PITPNM2: variants seen among roughly 807,000 people sequenced by gnomAD.
The protein encoded by PITPNM2 is membrane-associated phosphatidylinositol transfer protein 2.
Under a neutral mutation model 132.2 loss-of-function variants are expected in PITPNM2, and 35 were observed. That is an observed-to-expected ratio of 0.26 (90% CI 0.20 to 0.35). The LOEUF (loss-of-function observed/expected upper bound fraction) is 0.35. Ranked by LOEUF, PITPNM2 falls within the 10% of genes least tolerant of loss-of-function variation. The pLI is 1.00. For missense variants in PITPNM2, 1,332 were observed against 1,912.0 expected (o/e 0.70, Z 5.66); for synonymous variants, 738 against 799.2 (o/e 0.92, Z 1.29).
chr12:123,061,509 C>G (rs1397991808), intron 2 of PITPNM2, among the ~76,000 whole-genome samples: 3 of 152,260 alleles, frequency 2.0e-5, no homozygotes, highest in Non-Finnish European at 2.9e-5. Flanking sequence ...TCTCACTGCA[C>G]TATGGCACGT....
chr12:123,079,853 T>C (rs1447446250), intron 2 of PITPNM2, among the ~76,000 whole-genome samples: 1 of 152,210 alleles, frequency 6.6e-6, no homozygotes, highest in African/African-American at 2.4e-5. Flanking sequence ...CACAATGTTG[T>C]GCAACCACCA....
chr12:123,069,984 C>T (rs2041574911), intron 2 of PITPNM2, among the ~76,000 whole-genome samples: 1 of 152,080 alleles, frequency 6.6e-6, no homozygotes, highest in Non-Finnish European at 1.5e-5. Context: ...GGCTCTGCAC[C>T]CGGTGCTCAT....
At chr12:123,104,364 C>T (rs1033720784) in intron 2 of PITPNM2, among the ~76,000 whole-genome samples, 5 of 152,234 alleles carry the variant, frequency 3.3e-5, no homozygotes, top group South Asian at 2.1e-4. Flanking sequence ...TACGCCCAGA[C>T]GGCCTGAAGT....
chr12:123,131,397 C>T (rs919578428), intron 1 of PITPNM2, among the ~76,000 whole-genome samples: 2 of 152,226 alleles, frequency 1.3e-5, no homozygotes, highest in Non-Finnish European at 2.9e-5. Flanking sequence ...GGAACAGATA[C>T]TCGTTGCGGT....
At chr12:123,050,438 C>G (rs2040820539) in intron 2 of PITPNM2, among the ~76,000 whole-genome samples, 1 of 152,152 alleles carries the variant, frequency 6.6e-6, no homozygotes. Context: ...TGAGTCAGGG[C>G]AGAATGGTAC....
At chr12:123,134,921 G>T (rs767646616) in intron 1 of PITPNM2, among the ~76,000 whole-genome samples, 1 of 152,168 alleles carries the variant, frequency 6.6e-6, no homozygotes, top group African/African-American at 2.4e-5. Context: ...CTGATATTCA[G>T]TAAGTTCCCC....
intron 1 of PITPNM2, among the ~76,000 whole-genome samples, chr12:123,132,309 G>A (rs1370739357): frequency 6.6e-6 from 1 of 152,152 alleles, no homozygotes; most frequent in African/African-American, 2.4e-5. Context: ...TCCCCCAAGA[G>A]CATGGCGGGT....
intron 3 of PITPNM2, among the ~76,000 whole-genome samples, chr12:123,032,525 T>G (rs2040130210): frequency 6.6e-6 from 1 of 151,658 alleles, no homozygotes; most frequent in Non-Finnish European, 1.5e-5. Context: ...GAGTGACAGG[T>G]GTTTTGAGGA....
chr12:123,019,254 G>A (rs1446654661), intron 3 of PITPNM2, among the ~76,000 whole-genome samples: 2 of 152,172 alleles, frequency 1.3e-5, no homozygotes, highest in Non-Finnish European at 2.9e-5. Context: ...AAAATCCCGT[G>A]GGTCAAGGGG....
rs2039027501 is a variant in PITPNM2, at chr12:123,008,305, C to T, written c.643+1545G>A. Among the ~76,000 whole-genome samples the T allele has an allele frequency of 6.6e-6, 1 of 152,188 alleles. No homozygotes were observed. Among genetic ancestry groups the T allele is most frequent in the Non-Finnish European group, 1.5e-5 (1 of 68,034 alleles). On this transcript the variant is annotated intron_variant, in intron 6 of 25. Transcript: ENST00000320201. The surrounding 1 kb of genome is among the most constrained non-coding windows in gnomAD (Gnocchi z 4.1). ...GAGCCAGAGTGCCAGGAGCTGCAGC[C>T]TTAGTAGGTCTGCTGGGTGTCCTGT...
rs542059401 is a variant in PITPNM2 at position 123,000,287 on chromosome 12, G to A, written c.1224+491C>T. ...GCATGAACTCCCACAGAGAACCCCC[G>A]AAGCGGATACAGGCGCTCTACCAAG... On this transcript the variant is annotated intron_variant, in intron 10 of 25. Coordinates refer to ENST00000320201, the MANE Select transcript of PITPNM2 (RefSeq NM_020845.3). This position sits in a 1 kb window ranked among gnomAD's most constrained non-coding sequence, Gnocchi z 5.4. The A allele has an allele frequency of 5.2e-5, 33 of 633,730 alleles. No homozygotes were observed. Among genetic ancestry groups the A allele is most frequent in the African/African-American group, 7.3e-5 (4 of 54,594 alleles). 39.3% of individuals were successfully genotyped at this position (633,730 alleles called of 1,614,324 possible).
chr12:123,004,662 G>T lies in PITPNM2; in HGVS notation c.953-173C>A, dbSNP rs997168744. 2 of 642,396 alleles carry T rather than the reference G, an allele frequency of 3.1e-6. No homozygotes were observed. Among genetic ancestry groups the T allele is most frequent in the Non-Finnish European group, 5.6e-6 (2 of 356,710 alleles). The allele number at this position is 642,396 out of a possible 1,614,324, so 39.8% of individuals were successfully genotyped here. On this transcript the variant is annotated intron_variant, in intron 7 of 25. Transcript: ENST00000320201. The surrounding 1 kb of genome is among the most constrained non-coding windows in gnomAD (Gnocchi z 4.9). ...TGAAGTGTGTAAATGAGTGGGGAGC[G>T]GCCTAGGCTCATCTCCTGTCCGCCT...
chr12:123,114,959 C>T (rs1328438406), intron 1 of PITPNM2, among the ~76,000 whole-genome samples: 1 of 152,166 alleles, frequency 6.6e-6, no homozygotes, highest in Non-Finnish European at 1.5e-5. Context: ...TGCATGAGGG[C>T]CAGGCGTGCT....
rs2038361471 is a variant in PITPNM2, at chr12:122,994,987, C to A, written c.2055-8G>T. 1 of 1,596,144 alleles carries A rather than the reference C, an allele frequency of 6.3e-7. No individual in the cohort carries two copies. The highest frequency in any genetic ancestry group is 1.3e-5 in the African/African-American group (1 of 74,656). On this transcript the variant is annotated splice_polypyrimidine_tract_variant and splice_region_variant and intron_variant, in intron 14 of 25. Coordinates refer to ENST00000320201, the MANE Select transcript of PITPNM2 (RefSeq NM_020845.3). The surrounding 1 kb of genome is among the most constrained non-coding windows in gnomAD (Gnocchi z 5.4). Reference sequence around the variant, plus strand: ...AGCACGCTGGCATGGAGGCTGCAGACCCAAATAAGACTTAGCTGTCATGTG... The same window carrying A: ...AGCACGCTGGCATGGAGGCTGCAGAACCAAATAAGACTTAGCTGTCATGTG...
In PITPNM2 at chr12:123,005,542, C is replaced by T. The variant is rs765230683; in HGVS notation, c.650G>A (p.Arg217Gln). Residue 217 changes from arginine to glutamine, a missense_variant, in exon 7 of 26, where the codon CGG becomes CAG. By Grantham distance (43) the Arg-to-Gln change is conservative (BLOSUM62 1). Transcript: ENST00000320201. This position sits in a 1 kb window ranked among gnomAD's most constrained non-coding sequence, Gnocchi z 6.2. ...CCGGTGAGCCCGCACCATCACCCTC[C>T]GTAGTCCTGTGCCCCATGGGGATCA... ...IERFIHDTGL[R>Q]RVMVRAHRQA... 1.9e-6 allele frequency: 3 copies of T among 1,612,814 alleles called. No individual in the cohort carries two copies. The highest frequency in any genetic ancestry group is 2.5e-6 in the Non-Finnish European group (3 of 1,179,626).
At chr12:123,003,214 C>G (rs2038774319) in intron 8 of PITPNM2, among the ~76,000 whole-genome samples, 1 of 152,204 alleles carries the variant, frequency 6.6e-6, no homozygotes, top group Non-Finnish European at 1.5e-5. Context: ...CCTCCTGCTC[C>G]TCTGAGAACT....
intron 2 of PITPNM2, among the ~76,000 whole-genome samples, chr12:123,053,475 T>A (rs1010234199): frequency 2.0e-5 from 3 of 152,168 alleles, no homozygotes; most frequent in Admixed American, 1.3e-4. Context: ...AAATTTTTAT[T>A]GATAATTGTA....
In PITPNM2 at chr12:122,984,668, TGC is replaced by T. The variant is rs1266976245; in HGVS notation, c.*1357_*1358del. 1 of 152,188 alleles carries T rather than the reference TGC, an allele frequency of 6.6e-6. No individual in the cohort carries two copies. The highest frequency in any genetic ancestry group is 1.9e-4 in the East Asian group (1 of 5,190). The allele number at this position is 152,188 out of a possible 1,614,324, so 9.4% of individuals were successfully genotyped here. ...CTGTGCACCTCCCCAGCCCGGTCCA[TGC>T]GTCCCAACACCAGACCCAGGTCGGC... On this transcript the variant is annotated 3_prime_UTR_variant, in exon 26 of 26. Coordinates refer to ENST00000320201, the MANE Select transcript of PITPNM2 (RefSeq NM_020845.3).
Position 123,058,676 on chromosome 12 carries a change from T to C in PITPNM2, c.-95-23991A>G, listed in dbSNP as rs1356437790. Reference sequence around the variant, plus strand: ...CGGCCCCAAGCACTGCAGAAGCTGGTAACTGTTGCCTGAGGCATTTGCTCA... The same window carrying C: ...CGGCCCCAAGCACTGCAGAAGCTGGCAACTGTTGCCTGAGGCATTTGCTCA... On this transcript the variant is annotated intron_variant, in intron 2 of 25. Transcript: ENST00000320201. The surrounding 1 kb of genome is among the most constrained non-coding windows in gnomAD (Gnocchi z 4.0). 6.6e-6 allele frequency among the ~76,000 whole-genome samples: 1 copy of C among 152,134 alleles called. No homozygotes were observed.
Sources: gnomAD v4.1 joint callset for allele counts (sites outside exome capture counted in the v4.1 genomes callset) on GRCh38, gnomAD v4.1.1 for gene constraint, Gnocchi (gnomAD v3.1) non-coding constraint, MANE v1.5 for transcripts, NCBI Gene and HGNC (gene_info 2026-07-23, HGNC 2026-07-21) for gene names.